The following HEG1 variants were observed in gnomAD, a reference collection of about 807,000 sequenced individuals.
HEG1 encodes protein HEG homolog 1.
A neutral mutation model predicts 125.6 loss-of-function variants in HEG1; 56 were observed. That is an observed-to-expected ratio of 0.45 (90% confidence interval 0.36 to 0.56). The LOEUF (loss-of-function observed/expected upper bound fraction) is 0.56. Ranked by LOEUF, HEG1 falls within the 20% of genes least tolerant of loss-of-function variation. The pLI is 0.00. For missense variants in HEG1, 1,523 were observed against 1,670.0 expected (o/e 0.91, Z 1.53); for synonymous variants, 644 against 668.5 (o/e 0.96, Z 0.57).
intron 1 of HEG1, among the ~76,000 whole-genome samples, chr3:125,042,345 T>C (rs1440562475): frequency 6.6e-6 from 1 of 152,158 alleles, no homozygotes; most frequent in East Asian, 1.9e-4. Flanking sequence ...CAAGAATCAC[T>C]TGAACCTGGG....
intron 11 of HEG1, among the ~76,000 whole-genome samples, chr3:124,998,629 G>C (rs1936958797): frequency 6.6e-6 from 1 of 152,010 alleles, no homozygotes; most frequent in Admixed American, 6.6e-5. Flanking sequence ...TTTACTTTAG[G>C]GCCTTATTCA....
intron 6 of HEG1, among the ~76,000 whole-genome samples, chr3:125,010,964 T>C (rs1579415537): frequency 6.6e-6 from 1 of 152,266 alleles, no homozygotes; most frequent in African/African-American, 2.4e-5. Flanking sequence ...TTACTCTGTA[T>C]ACGTGTGTCT....
At position 125,019,569 on chromosome 3, in the gene HEG1, G is replaced by A; in HGVS notation, c.1281C>T (p.Ser427=). 6.2e-7 allele frequency: 1 copy of A among 1,606,206 alleles called. No homozygotes were observed. Among genetic ancestry groups the A allele is most frequent in the Non-Finnish European group, 8.5e-7 (1 of 1,173,256 alleles). Reference sequence around the variant, plus strand: ...TGGGACTTCCATTTTGCACCTCAGAGCTGCTGGCAAGCTGATGTTCTCCAA... The same window carrying A: ...TGGGACTTCCATTTTGCACCTCAGAACTGCTGGCAAGCTGATGTTCTCCAA... The part of the protein sequence containing the change: ...PTFGEHQLAS[S]SEVQNGSPMS... Residue 427 remains serine, a synonymous_variant, in exon 5 of 17, where the codon AGC becomes AGT. Transcript: ENST00000311127.
chr3:125,013,030 G>A lies in HEG1; in HGVS notation c.2549C>T (p.Ser850Phe), dbSNP rs772992040. 1.2e-5 allele frequency: 19 copies of A among 1,613,934 alleles called. No individual in the cohort carries two copies. Among genetic ancestry groups the A allele is most frequent in the Non-Finnish European group, 1.4e-5 (17 of 1,179,912 alleles). Residue 850 changes from serine to phenylalanine, a missense_variant, in exon 6 of 17, where the codon TCT becomes TTT. Transcript: ENST00000311127. ...PTFTTTILKT[S>F]QPLMTTPGTL... ...GCCAGGAGTGGTCATAAGAGGCTGA[G>A]AGGTCTTCAGAATGGTAGTTGTGAA...
intron 10 of HEG1, 33 bp from the exon 11 acceptor site, chr3:125,002,045 C>T: frequency 6.2e-7 from 1 of 1,611,992 alleles, no homozygotes; most frequent in Middle Eastern, 1.7e-4. Flanking sequence ...TTTAACAGCC[C>T]TGAAATGACA....
chr3:124,986,136 C>T (rs143453154), intron 14 of HEG1, among the ~76,000 whole-genome samples: 3 of 152,280 alleles, frequency 2.0e-5, no homozygotes, highest in African/African-American at 4.8e-5. Flanking sequence ...AGAAAGTGCA[C>T]AGAAACTTTT....
At chr3:125,022,110 G>A (rs973959094) in intron 3 of HEG1, among the ~76,000 whole-genome samples, 12 of 152,050 alleles carry the variant, frequency 7.9e-5, no homozygotes, top group African/African-American at 2.4e-4. Flanking sequence ...CCTCCAGAAA[G>A]GTCTATTAAA....
chr3:125,013,529 A>G lies in HEG1; in HGVS notation c.2050T>C (p.Ser684Pro), dbSNP rs1299643651. Residue 684 changes from serine to proline, a missense_variant, in exon 6 of 17, where the codon TCC becomes CCC. Coordinates refer to ENST00000311127, the MANE Select transcript of HEG1 (RefSeq NM_020733.2). ...AAAATTGATGAAAATAAATGGTGGG[A>G]TTGTGACACAGAGGGCAGAGGCAAA... ...PPLPLPSVSQSHHLFSSILPS... is the reference protein window; with the variant it reads ...PPLPLPSVSQPHHLFSSILPS... 6.2e-7 allele frequency: 1 copy of G among 1,608,778 alleles called. No homozygotes were observed. The highest frequency in any genetic ancestry group is 1.3e-5 in the African/African-American group (1 of 74,874).
At chr3:125,049,522 A>G (rs2333038) in intron 1 of HEG1, among the ~76,000 whole-genome samples, 60,230 of 151,984 alleles carry the variant, frequency 0.4, 14,485 homozygotes, top group South Asian at 0.54. Context: ...CACATTCTCA[A>G]CCATCCACAG....
At chr3:125,027,602 T>C (rs1937437244) in intron 2 of HEG1, 95 bp from the exon 3 acceptor site, 1 of 1,000,116 alleles carries the variant, frequency 1.0e-6, no homozygotes, top group Non-Finnish European at 1.5e-6. Flanking sequence ...CTACAAAATA[T>C]ACAGACATAA....
At chr3:124,994,445 A>G (rs1579405363) in intron 12 of HEG1, among the ~76,000 whole-genome samples, 1 of 152,240 alleles carries the variant, frequency 6.6e-6, no homozygotes, top group African/African-American at 2.4e-5. Context: ...CCCTATTGCC[A>G]TAAGACACAA....
intron 8 of HEG1, among the ~76,000 whole-genome samples, chr3:125,008,784 G>T (rs984073643): frequency 6.7e-6 from 1 of 150,266 alleles, no homozygotes; most frequent in African/African-American, 2.5e-5. Flanking sequence ...GCAACAGAGT[G>T]AGACTCCGTC....
chr3:124,986,002 T>C (rs1936732159), intron 14 of HEG1, among the ~76,000 whole-genome samples: 1 of 152,228 alleles, frequency 6.6e-6, no homozygotes, highest in Non-Finnish European at 1.5e-5. Context: ...GGTCTCGAAC[T>C]CCTGACCTCA....
Position 125,012,685 on chromosome 3 carries a change from G to T in HEG1, c.2894C>A (p.Ser965Tyr), listed in dbSNP as rs553219844. 13 of 1,613,930 alleles carry T rather than the reference G, an allele frequency of 8.1e-6. No homozygotes were observed. The African/African-American group carries it at 1.2e-4, about 15-fold the overall frequency. ...GCTGCTCTGAACAGCAAAGGTGGCAGATTTGGGAGCCAAGTCTTCAGCCGT... is the reference window on the plus strand; with the variant it reads ...GCTGCTCTGAACAGCAAAGGTGGCATATTTGGGAGCCAAGTCTTCAGCCGT... ...VSTAEDLAPKSATFAVQSSTQ... is the reference protein window; with the variant it reads ...VSTAEDLAPKYATFAVQSSTQ... Residue 965 changes from serine to tyrosine, a missense_variant, in exon 6 of 17, where the codon TCT (serine) becomes TAT (tyrosine). Physicochemically the swap from Ser to Tyr is moderately radical, Grantham distance 144 (BLOSUM62 -2). Transcript: ENST00000311127.
chr3:125,014,383 A>T (rs1196693576), intron 5 of HEG1, among the ~76,000 whole-genome samples: 4 of 152,238 alleles, frequency 2.6e-5, no homozygotes, highest in African/African-American at 9.6e-5. Flanking sequence ...TAAATGAAAA[A>T]AGGAAAATCT....
chr3:124,996,301 C>A (rs1272064454), intron 12 of HEG1, among the ~76,000 whole-genome samples: 1 of 152,090 alleles, frequency 6.6e-6, no homozygotes, highest in East Asian at 1.9e-4. Flanking sequence ...TCAGGCTGGT[C>A]TCCAACTCCC....
chr3:124,989,504 C>A (rs1936794788), intron 14 of HEG1, among the ~76,000 whole-genome samples: 2 of 96,536 alleles, frequency 2.1e-5, no homozygotes, highest in African/African-American at 3.3e-5. Context: ...ATGCTATATC[C>A]CCAAATTTAA....
intron 5 of HEG1, among the ~76,000 whole-genome samples, chr3:125,015,794 A>AAAC (rs1560026463): frequency 3.3e-5 from 5 of 152,162 alleles, no homozygotes; most frequent in Non-Finnish European, 7.3e-5. Context: ...ACAAAAAGAA[A>AAAC]AAAAAACCCA....
rs1287571557 is a variant in HEG1, at chr3:124,968,562, T to C, written c.*2090A>G. The C allele has an allele frequency of 6.6e-6, 1 of 152,256 alleles. No homozygotes were observed. Among genetic ancestry groups the C allele is most frequent in the Admixed American group, 6.5e-5 (1 of 15,284 alleles). The allele number at this position is 152,256 out of a possible 1,614,324, so 9.4% of individuals were successfully genotyped here. A position where few individuals can be genotyped will look rare whatever the true frequency, so the allele number is the denominator to read the frequency against. On this transcript the variant is annotated 3_prime_UTR_variant, in exon 17 of 17. Coordinates refer to ENST00000311127, the MANE Select transcript of HEG1 (RefSeq NM_020733.2). ...TGTTTTCAGGACAGAACACTTCATTTTGTGGAGCTGAAGTCTTCTGGCTCC... is the reference window on the plus strand; with the variant it reads ...TGTTTTCAGGACAGAACACTTCATTCTGTGGAGCTGAAGTCTTCTGGCTCC...
Sources: gnomAD v4.1 joint callset for allele counts (sites outside exome capture counted in the v4.1 genomes callset) on GRCh38, gnomAD v4.1.1 for gene constraint, MANE v1.5 for transcripts, NCBI Gene and HGNC (gene_info 2026-07-23, HGNC 2026-07-21) for gene names.